Variants in CLEC16A observed in about 807,000 individuals in gnomAD.
The protein encoded by CLEC16A is protein CLEC16A.
A neutral mutation model predicts 109.5 loss-of-function variants in CLEC16A; 51 were observed. The observed-to-expected ratio is 0.47, with a 90% CI of 0.37 to 0.59. The LOEUF is 0.59. Among genes scored for constraint, CLEC16A ranks in the 20% least tolerant of loss-of-function variants. The pLI, the probability that CLEC16A is intolerant of heterozygous loss-of-function variation, is 0.00. For missense variants in CLEC16A, 1,339 were observed against 1,394.0 expected, an observed-to-expected ratio of 0.96 and a Z score of 0.63; for synonymous variants, 673 against 564.2, an observed-to-expected ratio of 1.19 and a Z score of -2.73.
chr16:10,975,548 C>G (rs1158739785), intron 7 of CLEC16A, among the ~76,000 whole-genome samples: 3 of 152,198 alleles, frequency 2.0e-5, no homozygotes. Flanking sequence ...AAACATTGTG[C>G]ATAAATGTTC....
At chr16:11,080,787 ACCT>A (rs1360283838) in intron 19 of CLEC16A, among the ~76,000 whole-genome samples, 1 of 152,000 alleles carries the variant, frequency 6.6e-6, no homozygotes. Flanking sequence ...CATCACTCTC[ACCT>A]CCTCGTCTGC....
intron 19 of CLEC16A, among the ~76,000 whole-genome samples, chr16:11,105,792 C>G (rs1005070863): frequency 6.6e-6 from 1 of 152,166 alleles, no homozygotes; most frequent in Non-Finnish European, 1.5e-5. Context: ...GACAGCCAAC[C>G]CTTCACACAG....
In CLEC16A at chr16:11,178,594, C is replaced by A. The variant is rs201910094; in HGVS notation, c.3066C>A (p.Thr1022=). ...PVDPHSLRSL[T]GMPPLSTPAA... The stretch of plus-strand genomic sequence containing the variant: ...ACCCCCACAGCCTCCGCAGCCTCAC[C>A]GGCATGCCCCCGCTGTCCACGCCGG... The change falls in exon 24 of 24, where the codon ACC becomes ACA. Residue 1022 remains threonine (T), a synonymous_variant. Coordinates refer to ENST00000409790, the MANE Select transcript of CLEC16A (RefSeq NM_015226.3). The surrounding 1 kb of genome is among the most constrained non-coding windows in gnomAD (Gnocchi z 6.5). The A allele has an allele frequency of 5.0e-6, 8 of 1,608,710 alleles. No homozygotes were observed. In the South Asian group the frequency reaches 8.8e-5, roughly 18 times the overall value.
At chr16:11,152,565 C>T (rs2054334152) in intron 22 of CLEC16A, among the ~76,000 whole-genome samples, 1 of 152,224 alleles carries the variant, frequency 6.6e-6, no homozygotes, top group Non-Finnish European at 1.5e-5. Context: ...TGCCAATCCC[C>T]TCTGTTGTCT....
At chr16:11,007,371 A>C (rs1354691203) in intron 11 of CLEC16A, among the ~76,000 whole-genome samples, 1 of 152,086 alleles carries the variant, frequency 6.6e-6, no homozygotes, top group Non-Finnish European at 1.5e-5. Flanking sequence ...CCTCATTTCC[A>C]GCTCCTCTTT....
At chr16:11,071,805 A>G (rs2080905706) in intron 19 of CLEC16A, among the ~76,000 whole-genome samples, 1 of 133,142 alleles carries the variant, frequency 7.5e-6, no homozygotes, top group African/African-American at 3.0e-5. Context: ...TGTGTTGCCC[A>G]GGCTGGTCTT....
chr16:11,173,336 G>A (rs974603582), intron 23 of CLEC16A, among the ~76,000 whole-genome samples: 4 of 152,098 alleles, frequency 2.6e-5, no homozygotes, highest in African/African-American at 7.2e-5. Flanking sequence ...GCTCTATGGC[G>A]TCACATTCAA....
intron 19 of CLEC16A, among the ~76,000 whole-genome samples, chr16:11,109,034 C>T (rs2051395872): frequency 6.7e-6 from 1 of 148,810 alleles, no homozygotes; most frequent in Admixed American, 6.7e-5. Flanking sequence ...TGGCATGAAC[C>T]CGGGAGGCGG....
At chr16:11,075,058 T>G (rs1044891913) in intron 19 of CLEC16A, among the ~76,000 whole-genome samples, 1 of 152,154 alleles carries the variant, frequency 6.6e-6, no homozygotes, top group Non-Finnish European at 1.5e-5. Context: ...ACCACTGCAC[T>G]CCGGCCTGGG....
intron 10 of CLEC16A, among the ~76,000 whole-genome samples, chr16:10,995,654 C>T (rs1362881613): frequency 1.3e-5 from 2 of 152,210 alleles, no homozygotes; most frequent in Non-Finnish European, 2.9e-5. Context: ...GGATCCCACA[C>T]TACCCCCATG....
intron 1 of CLEC16A, among the ~76,000 whole-genome samples, chr16:10,948,131 G>C (rs2041516701): frequency 6.6e-6 from 1 of 152,154 alleles, no homozygotes; most frequent in African/African-American, 2.4e-5. Context: ...CTGACCTTGT[G>C]ATCTGCCCTC....
intron 19 of CLEC16A, among the ~76,000 whole-genome samples, chr16:11,090,540 A>T (rs1026555997): frequency 6.6e-6 from 1 of 152,164 alleles, no homozygotes; most frequent in African/African-American, 2.4e-5. Context: ...CTTTCCTATT[A>T]CATTTCTCCG....
At chr16:11,152,876 G>T (rs1203067213) in intron 22 of CLEC16A, among the ~76,000 whole-genome samples, 1 of 152,116 alleles carries the variant, frequency 6.6e-6, no homozygotes, top group Non-Finnish European at 1.5e-5. Context: ...TCTGCGTTCG[G>T]GCGCCAGGGG....
At chr16:11,015,032 C>A (rs942601081) in intron 11 of CLEC16A, among the ~76,000 whole-genome samples, 15 of 152,210 alleles carry the variant, frequency 9.9e-5, no homozygotes, top group African/African-American at 3.6e-4. Context: ...GCCCACATAG[C>A]ACTTTGCATA....
At chr16:11,066,334 A>G (rs983022605) in intron 19 of CLEC16A, among the ~76,000 whole-genome samples, 2 of 152,164 alleles carry the variant, frequency 1.3e-5, no homozygotes, top group Middle Eastern at 3.4e-3. Context: ...GACAGTTTGC[A>G]GTGGCGATGC....
intron 19 of CLEC16A, among the ~76,000 whole-genome samples, chr16:11,112,688 C>T (rs1202753588): frequency 6.6e-6 from 1 of 152,068 alleles, no homozygotes; most frequent in East Asian, 1.9e-4. Flanking sequence ...CATACACACA[C>T]ACATACATAT....
intron 2 of CLEC16A, among the ~76,000 whole-genome samples, 182 bp downstream of exon 2, chr16:10,958,092 A>C (rs1446354591): frequency 6.6e-6 from 1 of 151,746 alleles, no homozygotes; most frequent in East Asian, 1.9e-4. Context: ...ATAGAAATGC[A>C]AGCCAAAAAT....
chr16:11,031,362 T>C (rs2046732796), intron 13 of CLEC16A, among the ~76,000 whole-genome samples: 1 of 152,198 alleles, frequency 6.6e-6, no homozygotes, highest in Non-Finnish European at 1.5e-5. Context: ...GCTTCCTTCC[T>C]GCAGCCCTGA....
intron 19 of CLEC16A, among the ~76,000 whole-genome samples, chr16:11,101,724 G>T (rs1308718977): frequency 2.0e-5 from 3 of 152,170 alleles, no homozygotes; most frequent in South Asian, 4.1e-4. Flanking sequence ...TTTCTTGAAT[G>T]AATGGAGCTC....
Sources: allele counts gnomAD v4.1 joint callset (sites outside exome capture counted in the v4.1 genomes callset), GRCh38; gene constraint gnomAD v4.1.1; non-coding constraint Gnocchi (gnomAD v3.1); transcripts MANE v1.5; gene names NCBI Gene and HGNC (gene_info 2026-07-23, HGNC 2026-07-21).